Variants in PHLPP1 observed in about 807,000 individuals in gnomAD.
PHLPP1 encodes PH domain leucine-rich repeat-containing protein phosphatase 1.
A neutral mutation model predicts 117.2 loss-of-function variants in PHLPP1; 42 were observed. The ratio of observed to expected loss-of-function variants is 0.36; its 90% CI spans 0.28 to 0.46. The LOEUF (loss-of-function observed/expected upper bound fraction) is 0.46, where lower values mean the gene tolerates loss of function less well. Among genes scored for constraint, PHLPP1 ranks in the 20% least tolerant of loss-of-function variants. The pLI is 1.00. For synonymous variants in PHLPP1, 1,042 were observed against 970.7 expected, an observed-to-expected ratio of 1.07 and a Z score of -1.37; for missense variants, 2,084 against 2,241.9, an observed-to-expected ratio of 0.93 and a Z score of 1.42.
chr18:62,903,339 A>G (rs1916771551), intron 7 of PHLPP1, among the ~76,000 whole-genome samples, 173 bp downstream of exon 7: 1 of 152,212 alleles, frequency 6.6e-6, no homozygotes, highest in Non-Finnish European at 1.5e-5. Flanking sequence ...AGGACTCAAA[A>G]AGGAAAATTT....
intron 4 of PHLPP1, among the ~76,000 whole-genome samples, chr18:62,866,158 T>C (rs893311426): frequency 6.6e-6 from 1 of 152,192 alleles, no homozygotes; most frequent in African/African-American, 2.4e-5. Flanking sequence ...GATTAGTGAA[T>C]GGTTTGAACA....
At chr18:62,877,688 A>G (rs1916082222) in intron 4 of PHLPP1, among the ~76,000 whole-genome samples, 1 of 152,152 alleles carries the variant, frequency 6.6e-6, no homozygotes, top group Non-Finnish European at 1.5e-5. Flanking sequence ...TGGAATTGTG[A>G]TCCTCTTGGG....
rs774225759 is a variant in PHLPP1, at chr18:62,900,433, C to CTTTTTTTTTTTTTTTTTT, written c.2445-2520_2445-2503dup. Among the ~76,000 whole-genome samples, 3 of 54,258 alleles carry CTTTTTTTTTTTTTTTTTT rather than the reference C, an allele frequency of 5.5e-5. 1 individual carries two copies. The highest frequency in any genetic ancestry group is 6.7e-5 in the Non-Finnish European group (2 of 30,070). 35.6% of individuals were successfully genotyped at this position (54,258 alleles called of 152,430 possible). On this transcript the variant is annotated intron_variant, in intron 6 of 16. Transcript: ENST00000262719. ...GTATTCTTGTTTTTTCTTTTTCTTTCTTTTTTTTTTTTTTTTTTTTTTTTT... is the reference window on the plus strand; with the variant it reads ...GTATTCTTGTTTTTTCTTTTTCTTTCTTTTTTTTTTTTTTTTTTTTTTTTTTTTTTTTTTTTTTTTTTT...
intron 1 of PHLPP1, among the ~76,000 whole-genome samples, chr18:62,757,053 C>CAA (rs1366898770): frequency 6.6e-6 from 1 of 152,142 alleles, no homozygotes; most frequent in Non-Finnish European, 1.5e-5. Flanking sequence ...CTTGAGTGGA[C>CAA]AAGGGGTATC....
chr18:62,861,445 G>C (rs748208660), intron 4 of PHLPP1, among the ~76,000 whole-genome samples: 32 of 152,240 alleles, frequency 2.1e-4, no homozygotes, highest in Non-Finnish European at 3.8e-4. Flanking sequence ...GACTTGACTT[G>C]CATGTCTCCA....
Position 62,941,795 on chromosome 18 carries a change from TC to T in PHLPP1, c.3039del (p.Leu1014TyrfsTer6). On this transcript the variant is annotated frameshift_variant, in exon 11 of 17. Coordinates refer to ENST00000262719, the MANE Select transcript of PHLPP1 (RefSeq NM_194449.4). LOFTEE classifies it high-confidence loss of function. ...PATLSEETNS[I>X]LQELYLTNNS... ...ACGCTTTCCGAAGAGACAAACAGTA[TC>T]TTACAAGAGTTGTATTTGACAAATA... 1 of 1,613,948 alleles carries T rather than the reference TC, an allele frequency of 6.2e-7. No homozygotes were observed. Among genetic ancestry groups the T allele is most frequent in the Non-Finnish European group, 8.5e-7 (1 of 1,179,824 alleles).
At chr18:62,792,587 T>C (rs1913493157) in intron 1 of PHLPP1, among the ~76,000 whole-genome samples, 1 of 152,174 alleles carries the variant, frequency 6.6e-6, no homozygotes, top group South Asian at 2.1e-4. Context: ...AAAATGTTTC[T>C]AAGCCAGATG....
In PHLPP1 at chr18:62,958,597, C is replaced by G. The variant is rs188449145; in HGVS notation, c.3325-32C>G. 11,690 of 1,612,344 alleles carry G rather than the reference C, an allele frequency of 7.3e-3. 50 individuals are homozygous for G. Among genetic ancestry groups the G allele is most frequent in the Non-Finnish European group, 8.9e-3 (10,496 of 1,178,976 alleles). On this transcript the variant is annotated intron_variant, in intron 12 of 16. Coordinates refer to ENST00000262719, the MANE Select transcript of PHLPP1 (RefSeq NM_194449.4). ...TCCCTGAAGAGCTTCTCTAGACCAT[C>G]TCTTTCTTGTTTGCACTTGTTCTTT...
chr18:62,965,999 C>T (rs928706756), intron 14 of PHLPP1, among the ~76,000 whole-genome samples: 1 of 151,840 alleles, frequency 6.6e-6, no homozygotes, highest in Non-Finnish European at 1.5e-5. Context: ...TTTTGGATAA[C>T]TTGTTTTTCA....
intron 1 of PHLPP1, among the ~76,000 whole-genome samples, chr18:62,828,751 T>C (rs1914677366): frequency 6.6e-6 from 1 of 152,182 alleles, no homozygotes; most frequent in South Asian, 2.1e-4. Flanking sequence ...GTTTTTAATA[T>C]TAATAAGAAT....
chr18:62,828,475 C>T (rs1263182564), intron 1 of PHLPP1, among the ~76,000 whole-genome samples: 1 of 152,198 alleles, frequency 6.6e-6, no homozygotes, highest in Non-Finnish European at 1.5e-5. Flanking sequence ...GTTCAAGTAG[C>T]TGAATCACTG....
At chr18:62,945,328 C>T in intron 12 of PHLPP1, 57 bp downstream of exon 12, 1 of 1,401,412 alleles carries the variant, frequency 7.1e-7, no homozygotes, top group Non-Finnish European at 9.7e-7. Flanking sequence ...AAGTTGACTT[C>T]CTAACTCATC....
intron 1 of PHLPP1, among the ~76,000 whole-genome samples, chr18:62,791,845 C>T (rs1472118580): frequency 3.3e-5 from 5 of 152,098 alleles, no homozygotes; most frequent in Non-Finnish European, 7.4e-5. Flanking sequence ...AGAGTCTACA[C>T]AGTTAACAGG....
intron 3 of PHLPP1, among the ~76,000 whole-genome samples, chr18:62,855,837 G>C (rs1915481369): frequency 6.6e-6 from 1 of 152,192 alleles, no homozygotes; most frequent in African/African-American, 2.4e-5. Flanking sequence ...CAAATGAAAG[G>C]ATGCACTAGA....
intron 11 of PHLPP1, among the ~76,000 whole-genome samples, chr18:62,943,827 G>A (rs1022101775): frequency 6.6e-6 from 1 of 152,072 alleles, no homozygotes; most frequent in Admixed American, 6.5e-5. Flanking sequence ...TTCAAAATAT[G>A]ATGATAACAT....
intron 1 of PHLPP1, among the ~76,000 whole-genome samples, chr18:62,740,833 G>A (rs919082707): frequency 4.6e-5 from 7 of 152,114 alleles, no homozygotes; most frequent in African/African-American, 1.2e-4. Flanking sequence ...CTAGCCAGGC[G>A]TGGTGGTGCA....
intron 4 of PHLPP1, among the ~76,000 whole-genome samples, chr18:62,869,054 A>C (rs1284969503): frequency 6.6e-6 from 1 of 152,244 alleles, no homozygotes; most frequent in Non-Finnish European, 1.5e-5. Context: ...CTAAATAAGA[A>C]ATTAACTCAG....
At chr18:62,929,279 A>G (rs2144436978) in intron 10 of PHLPP1, among the ~76,000 whole-genome samples, 1 of 152,330 alleles carries the variant, frequency 6.6e-6, no homozygotes, top group East Asian at 1.9e-4. Flanking sequence ...CTTTTTAGGT[A>G]TACACACACC....
chr18:62,822,111 A>G (rs1451607222), intron 1 of PHLPP1, among the ~76,000 whole-genome samples: 1 of 152,034 alleles, frequency 6.6e-6, no homozygotes, highest in Non-Finnish European at 1.5e-5. Context: ...AAATATTATC[A>G]ATTAAATTCA....
Sources: allele counts gnomAD v4.1 joint callset (sites outside exome capture counted in the v4.1 genomes callset), GRCh38; gene constraint gnomAD v4.1.1; transcripts MANE v1.5; gene names NCBI Gene and HGNC (gene_info 2026-07-23, HGNC 2026-07-21).